The following CXADR variants were observed in gnomAD, a reference collection of about 807,000 sequenced individuals.
The protein encoded by CXADR is coxsackievirus and adenovirus receptor.
In CXADR, 20 loss-of-function variants were observed where a neutral mutation model predicts 40.3. The ratio of observed to expected loss-of-function variants is 0.50; its 90% confidence interval spans 0.35 to 0.72. The LOEUF (loss-of-function observed/expected upper bound fraction) is 0.72. CXADR is among the 30% of genes least tolerant of loss of function. The probability of loss-of-function intolerance (pLI) is 0.01; values close to 1 mark genes in which losing one functional copy is unlikely to be tolerated. For missense variants in CXADR, 332 were observed against 449.1 expected (o/e 0.74, Z 2.36); for synonymous variants, 150 against 161.3 (o/e 0.93, Z 0.53).
At chr21:17,558,127 A>G (rs1329413133) in intron 3 of CXADR, among the ~76,000 whole-genome samples, 1 of 150,984 alleles carries the variant, frequency 6.6e-6, no homozygotes, top group Non-Finnish European at 1.5e-5. Flanking sequence ...ATGAATTTCC[A>G]GGCTGTGAAT....
chr21:17,605,046 A>C, the CXADR span: 1 of 1,587,888 alleles, frequency 6.3e-7, no homozygotes, highest in Non-Finnish European at 8.6e-7. Flanking sequence ...ATTTAATCAT[A>C]AACGCCGTAA....
the CXADR span, chr21:17,608,706 CT>C: frequency 5.6e-6 from 2 of 354,660 alleles, no homozygotes; most frequent in South Asian, 2.8e-4. Context: ...CAGAAATGCA[CT>C]GTTAGGAGCC....
intron 7 of CXADR, among the ~76,000 whole-genome samples, chr21:17,591,732 T>C (rs570354579): frequency 1.3e-5 from 2 of 152,072 alleles, no homozygotes; most frequent in Middle Eastern, 3.4e-3. Flanking sequence ...CTGCTTGAAA[T>C]AGCCCGATAA....
intron 7 of CXADR, among the ~76,000 whole-genome samples, chr21:17,590,021 G>T (rs1043102475): frequency 6.6e-6 from 1 of 151,842 alleles, no homozygotes; most frequent in East Asian, 1.9e-4. Flanking sequence ...TAAACCTCTA[G>T]TCTAGATAGA....
At chr21:17,622,119 A>G in the CXADR span, among the ~76,000 whole-genome samples, 1 of 152,332 alleles carries the variant, frequency 6.6e-6, no homozygotes, top group South Asian at 2.1e-4. Context: ...AATACAGGCA[A>G]CATCAGTTGC....
At chr21:17,597,182 G>C (rs1031723441), downstream of CXADR, among the ~76,000 whole-genome samples, 7 of 152,052 alleles carry the variant, frequency 4.6e-5, no homozygotes, top group East Asian at 1.4e-3. Context: ...CAACATGAGG[G>C]AAAATAAATG....
Position 17,567,918 on chromosome 21 carries a change from T to C in CXADR, c.*2226T>C. On this transcript the variant is annotated 3_prime_UTR_variant, in exon 7 of 7. Coordinates refer to ENST00000284878, the MANE Select transcript of CXADR (RefSeq NM_001338.5). ...GACTTCTCTTCCCATATACTTCATA[T>C]TTTAGAGGACATTGTTTTAAAGGCT... 8 of 981,240 alleles carry C rather than the reference T, an allele frequency of 8.2e-6. No homozygotes were observed. Among genetic ancestry groups the C allele is most frequent in the Non-Finnish European group, 9.7e-6 (8 of 826,314 alleles). The allele number at this position is 981,240 out of a possible 1,614,324, so 60.8% of individuals were successfully genotyped here.
At chr21:17,617,135 C>G in the CXADR span, among the ~76,000 whole-genome samples, 1,203 of 152,258 alleles carry the variant, frequency 7.9e-3, 15 homozygotes, top group African/African-American at 0.028. Flanking sequence ...TTTGATCAAA[C>G]TTTTCATATT....
At chr21:17,552,237 G>C (rs2060977996) in intron 3 of CXADR, among the ~76,000 whole-genome samples, 1 of 152,168 alleles carries the variant, frequency 6.6e-6, no homozygotes, top group Admixed American at 6.5e-5. Flanking sequence ...GGAGTTAGGA[G>C]ATCTAGGGTT....
At chr21:17,570,660 G>A (rs2061270699), downstream of CXADR, among the ~76,000 whole-genome samples, 1 of 152,158 alleles carries the variant, frequency 6.6e-6, no homozygotes, top group Non-Finnish European at 1.5e-5. Context: ...CTATCACGTT[G>A]AGTATTAAGA....
intron 2 of CXADR, among the ~76,000 whole-genome samples, chr21:17,548,577 T>A (rs1177339724): frequency 1.3e-5 from 2 of 152,220 alleles, no homozygotes; most frequent in Non-Finnish European, 2.9e-5. Flanking sequence ...GACAGTGCAG[T>A]GCCTGTCCCG....
At chr21:17,586,250 T>C (rs1374818316) in intron 7 of CXADR, among the ~76,000 whole-genome samples, 1 of 151,972 alleles carries the variant, frequency 6.6e-6, no homozygotes, top group African/African-American at 2.4e-5. Context: ...CAGACCCTTT[T>C]TGTATATAGT....
chr21:17,533,571 T>C (rs1273876749), intron 1 of CXADR, among the ~76,000 whole-genome samples: 1 of 152,204 alleles, frequency 6.6e-6, no homozygotes, highest in African/African-American at 2.4e-5. Context: ...GTTTCTTCAT[T>C]GCAAAACACG....
chr21:17,609,797 T>A, the CXADR span, among the ~76,000 whole-genome samples: 1 of 152,192 alleles, frequency 6.6e-6, no homozygotes, highest in Non-Finnish European at 1.5e-5. Flanking sequence ...TACTGTGTTA[T>A]ACACACGTAT....
chr21:17,594,340 G>A (rs768067837), downstream of CXADR: 17 of 1,610,220 alleles, frequency 1.1e-5, no homozygotes, highest in South Asian at 1.8e-4. Flanking sequence ...AATCTGTAGG[G>A]AAGAGAACAC....
the CXADR span, among the ~76,000 whole-genome samples, chr21:17,635,634 G>A: frequency 6.6e-6 from 1 of 152,118 alleles, no homozygotes; most frequent in East Asian, 1.9e-4. Flanking sequence ...AAGATATTGA[G>A]CTTTCTTCTA....
chr21:17,582,232 G>A (rs976215974), intron 7 of CXADR, among the ~76,000 whole-genome samples: 28 of 152,072 alleles, frequency 1.8e-4, no homozygotes, highest in African/African-American at 5.8e-4. Context: ...GGCTGGTCTC[G>A]AACTGCTAAC....
rs1237173668 is a variant in CXADR at position 17,518,665 on chromosome 21, G to A, written c.43+5493G>A. ...CTGTTCAGCTAACTTCCTAAGGCTT[G>A]TTAAACTGTCAGCACCAAGCTGACT... On this transcript the variant is annotated intron_variant, in intron 1 of 6. Coordinates refer to ENST00000284878, the MANE Select transcript of CXADR (RefSeq NM_001338.5). The A allele has an allele frequency of 5.6e-6, 9 of 1,610,034 alleles. No homozygotes were observed. The African/African-American group carries it at 9.3e-5, about 17-fold the overall frequency.
intron 7 of CXADR, among the ~76,000 whole-genome samples, chr21:17,577,336 G>A (rs1360966852): frequency 1.3e-5 from 2 of 151,792 alleles, no homozygotes; most frequent in Admixed American, 6.6e-5. Flanking sequence ...TAATATTATT[G>A]TATCCTAAAC....
Sources: allele counts gnomAD v4.1 joint callset (sites outside exome capture counted in the v4.1 genomes callset), GRCh38; gene constraint gnomAD v4.1.1; transcripts MANE v1.5; gene names NCBI Gene and HGNC (gene_info 2026-07-23, HGNC 2026-07-21).